Variants in MAP4K3 observed in about 807,000 individuals in gnomAD.
The protein encoded by MAP4K3 is mitogen-activated protein kinase kinase kinase kinase 3.
MAP4K3 carries 94 observed loss-of-function variants against 143.5 expected under a neutral mutation model. That is an observed-to-expected ratio of 0.65 (90% CI 0.55 to 0.78). The LOEUF (loss-of-function observed/expected upper bound fraction) is 0.78, where lower values mean the gene tolerates loss of function less well. MAP4K3 is among the 30% of genes least tolerant of loss of function. MAP4K3 has a pLI of 0.00. For missense variants in MAP4K3, 1,077 were observed against 1,068.1 expected (o/e 1.01, Z -0.12); for synonymous variants, 416 against 347.2 (o/e 1.20, Z -2.20).
chr2:39,433,891 T>C (rs1246443556), intron 1 of MAP4K3, among the ~76,000 whole-genome samples: 1 of 152,214 alleles, frequency 6.6e-6, no homozygotes, highest in Admixed American at 6.5e-5. Context: ...ATTTGAGTCA[T>C]TTAGTCAATA....
chr2:39,397,674 G>T (rs1160723925), intron 1 of MAP4K3, among the ~76,000 whole-genome samples: 1 of 152,168 alleles, frequency 6.6e-6, no homozygotes, highest in African/African-American at 2.4e-5. Context: ...CTCTGAAAAT[G>T]AAGAGCAATG....
intron 2 of MAP4K3, among the ~76,000 whole-genome samples, chr2:39,357,394 T>C (rs1436480080): frequency 1.3e-5 from 2 of 152,240 alleles, no homozygotes; most frequent in Non-Finnish European, 2.9e-5. Context: ...GCTTCCCCAA[T>C]TACTGCTCAA....
intron 1 of MAP4K3, among the ~76,000 whole-genome samples, chr2:39,422,718 CAAAAT>C (rs1045272985): frequency 4.5e-4 from 69 of 152,180 alleles, no homozygotes; most frequent in African/African-American, 1.6e-3. Context: ...ACGTGCAAAA[CAAAAT>C]AAAATAAAAT....
Position 39,416,006 on chromosome 2 carries a change from A to ATATATATAT in MAP4K3, c.96+20885_96+20886insATATATATA, listed in dbSNP as rs1420812309. Among the ~76,000 whole-genome samples, 235 of 75,768 alleles carry ATATATATAT rather than the reference A, an allele frequency of 3.1e-3. 15 individuals carry two copies. The highest frequency in any genetic ancestry group is 0.015 in the African/African-American group (208 of 13,800). The allele number at this position is 75,768 out of a possible 152,430, so 49.7% of individuals were successfully genotyped here. A position where few individuals can be genotyped will look rare whatever the true frequency, so the allele number is the denominator to read the frequency against. ...ATATATATATATATATATATATATAAAAATAACATTTGGAAGAATAAATTC... is the reference window on the plus strand; with the variant it reads ...ATATATATATATATATATATATATAATATATATATAAATAACATTTGGAAGAATAAATTC... On this transcript the variant is annotated intron_variant, in intron 1 of 33. Transcript: ENST00000263881.
chr2:39,250,472 T>A lies in MAP4K3; in HGVS notation c.*146A>T. 1.4e-6 allele frequency: 1 copy of A among 699,484 alleles called. No individual in the cohort carries two copies. The allele number at this position is 699,484 out of a possible 1,614,324, so 43.3% of individuals were successfully genotyped here. ...TATATCCATACCACTTAAAACAAAA[T>A]TTTCCCCATCTTATCTCATGCCACA... is the stretch of plus-strand genomic sequence containing the variant. On this transcript the variant is annotated 3_prime_UTR_variant, in exon 34 of 34. Coordinates refer to ENST00000263881, the MANE Select transcript of MAP4K3 (RefSeq NM_003618.4).
At chr2:39,295,105 A>AT (rs916358634) in intron 16 of MAP4K3, among the ~76,000 whole-genome samples, 2 of 151,762 alleles carry the variant, frequency 1.3e-5, no homozygotes, top group Non-Finnish European at 1.5e-5. Flanking sequence ...AAAAATAGCT[A>AT]TTTTTTTCAT....
At chr2:39,304,049 G>A (rs1356643002) in intron 15 of MAP4K3, among the ~76,000 whole-genome samples, 12 of 151,972 alleles carry the variant, frequency 7.9e-5, no homozygotes, top group Non-Finnish European at 1.5e-5. Context: ...AACTTACAGT[G>A]AGTTTTTGTT....
intron 2 of MAP4K3, among the ~76,000 whole-genome samples, chr2:39,365,425 T>C (rs1024329883): frequency 7.5e-6 from 1 of 134,158 alleles, no homozygotes; most frequent in South Asian, 2.4e-4. Context: ...GGTTACGCCA[T>C]AGTAATTTTT....
At chr2:39,403,322 A>G (rs1434026668) in intron 1 of MAP4K3, among the ~76,000 whole-genome samples, 12 of 152,188 alleles carry the variant, frequency 7.9e-5, no homozygotes, top group African/African-American at 2.7e-4. Context: ...TTAACTTCAT[A>G]TCACTGAAAG....
At position 39,286,881 on chromosome 2, in the gene MAP4K3, G is replaced by C; in HGVS notation, c.1558C>G (p.Leu520Val). ...ACATCTTTCTTTTCTTTTCTTGAAA[G>C]GTTTGTGCCTCTATGTTCATTCTGT... ...QQQNEHRGTNLSRKEKKDVPK... is the reference protein window; with the variant it reads ...QQQNEHRGTNVSRKEKKDVPK... The change falls in exon 21 of 34, where the codon CTT (leucine) becomes GTT (valine). Residue 520 changes from leucine (L) to valine (V), a missense_variant. Physicochemically the swap from Leu to Val is conservative, Grantham distance 32 (BLOSUM62 1). Coordinates refer to ENST00000263881, the MANE Select transcript of MAP4K3 (RefSeq NM_003618.4). 6.2e-7 allele frequency: 1 copy of C among 1,607,226 alleles called. No individual in the cohort carries two copies. The highest frequency in any genetic ancestry group is 1.3e-5 in the African/African-American group (1 of 74,928).
intron 1 of MAP4K3, among the ~76,000 whole-genome samples, chr2:39,412,982 G>C (rs1280314418): frequency 3.3e-5 from 5 of 152,104 alleles, no homozygotes; most frequent in African/African-American, 1.2e-4. Flanking sequence ...AAGATTTCTT[G>C]TATTTTCTAA....
intron 2 of MAP4K3, among the ~76,000 whole-genome samples, chr2:39,358,436 A>G (rs1665672720): frequency 6.6e-6 from 1 of 152,204 alleles, no homozygotes; most frequent in Non-Finnish European, 1.5e-5. Context: ...GTTTAATTTC[A>G]TCCAATTGTT....
At chr2:39,318,014 T>C (rs891563485) in intron 12 of MAP4K3, among the ~76,000 whole-genome samples, 25 of 152,056 alleles carry the variant, frequency 1.6e-4, no homozygotes, top group Non-Finnish European at 7.4e-5. Context: ...TCAAACTAAA[T>C]GCCCAACAAC....
Position 39,325,602 on chromosome 2 carries a change from T to C in MAP4K3, c.834A>G (p.Thr278=), listed in dbSNP as rs377629444. Residue 278 remains threonine (T), a synonymous_variant, in exon 12 of 34, where the codon ACA becomes ACG. Transcript: ENST00000263881. ...CCAACAGCTCGATTGCCAAAGACCGTGTCAAATGTTGTGTTACAAAAGGAT... is the reference window on the plus strand; with the variant it reads ...CCAACAGCTCGATTGCCAAAGACCGCGTCAAATGTTGTGTTACAAAAGGAT... ...LQHPFVTQHL[T]RSLAIELLDK... is the part of the protein sequence containing the mutation. 7 of 1,613,154 alleles carry C rather than the reference T, an allele frequency of 4.3e-6. No individual in the cohort carries two copies. The highest frequency in any genetic ancestry group is 5.9e-6 in the Non-Finnish European group (7 of 1,179,558).
chr2:39,350,361 G>A (rs1004238403), intron 3 of MAP4K3, among the ~76,000 whole-genome samples: 1 of 152,146 alleles, frequency 6.6e-6, no homozygotes, highest in African/African-American at 2.4e-5. Context: ...CCATGGCTGC[G>A]TTAAGATGTA....
intron 2 of MAP4K3, among the ~76,000 whole-genome samples, chr2:39,369,618 C>T (rs1212922054): frequency 6.6e-6 from 1 of 152,018 alleles, no homozygotes; most frequent in East Asian, 1.9e-4. Context: ...TGTGGAATAC[C>T]CTCCATTCTC....
rs756415717 is a variant in MAP4K3, at chr2:39,290,342, C to T, written c.1272-8G>A. ...TTTGCTTTCAGAGTTGAGCTAAAAACAGAAAAGTTTAGAATCAGAACTATT... is the reference window on the plus strand; with the variant it reads ...TTTGCTTTCAGAGTTGAGCTAAAAATAGAAAAGTTTAGAATCAGAACTATT... On this transcript the variant is annotated splice_polypyrimidine_tract_variant and splice_region_variant and intron_variant, in intron 18 of 33. Transcript: ENST00000263881. The T allele has an allele frequency of 1.3e-6, 2 of 1,596,530 alleles. No homozygotes were observed. The highest frequency in any genetic ancestry group is 1.3e-5 in the African/African-American group (1 of 74,078).
chr2:39,425,410 C>G (rs1436872824), intron 1 of MAP4K3, among the ~76,000 whole-genome samples: 1 of 152,164 alleles, frequency 6.6e-6, no homozygotes, highest in Non-Finnish European at 1.5e-5. Context: ...AACTGTGTCC[C>G]TCTAAAATCC....
chr2:39,310,564 T>C (rs2148500319), intron 13 of MAP4K3, among the ~76,000 whole-genome samples: 1 of 152,282 alleles, frequency 6.6e-6, no homozygotes, highest in Admixed American at 6.5e-5. Flanking sequence ...GGAGTGTAGA[T>C]ATCTCTTAGA....
Sources: allele counts gnomAD v4.1 joint callset (sites outside exome capture counted in the v4.1 genomes callset), GRCh38; gene constraint gnomAD v4.1.1; transcripts MANE v1.5; gene names NCBI Gene and HGNC (gene_info 2026-07-23, HGNC 2026-07-21).